The following HIPK2 variants were observed in gnomAD, a reference collection of about 807,000 sequenced individuals.
The protein encoded by HIPK2 is homeodomain-interacting protein kinase 2.
In HIPK2, 27 loss-of-function variants were observed where a neutral mutation model predicts 113.7. The observed-to-expected ratio is 0.24, with a 90% CI of 0.17 to 0.33. The LOEUF (loss-of-function observed/expected upper bound fraction) is 0.33. HIPK2 is among the 10% of genes least tolerant of loss of function. HIPK2 has a pLI of 1.00. For missense variants in HIPK2, 1,257 were observed against 1,588.0 expected (o/e 0.79, Z 3.54); for synonymous variants, 631 against 642.2 (o/e 0.98, Z 0.26).
Position 139,683,546 on chromosome 7 carries a change from C to T in HIPK2, c.1103+32386G>A, listed in dbSNP as rs1163217131. ...CCAAGACAGAAGCTGCAGAACCTCT[C>T]AGAATCTAATCTTGGAAGTGAAACA... On this transcript the variant is annotated intron_variant, in intron 2 of 14. Transcript: ENST00000406875. This position sits in a 1 kb window ranked among gnomAD's most constrained non-coding sequence, Gnocchi z 4.2. Among the ~76,000 whole-genome samples the T allele has an allele frequency of 6.6e-6, 1 of 152,182 alleles. No individual in the cohort carries two copies. Among genetic ancestry groups the T allele is most frequent in the Admixed American group, 6.5e-5 (1 of 15,288 alleles).
intron 1 of HIPK2, among the ~76,000 whole-genome samples, chr7:139,722,661 T>C (rs1366291561): frequency 1.3e-5 from 2 of 151,964 alleles, no homozygotes; most frequent in Non-Finnish European, 2.9e-5. Flanking sequence ...AGATGTTTTA[T>C]GGACAGGGTA....
intron 1 of HIPK2, among the ~76,000 whole-genome samples, chr7:139,731,858 A>C (rs888463147): frequency 3.9e-5 from 6 of 152,172 alleles, no homozygotes; most frequent in Non-Finnish European, 7.3e-5. Context: ...TTCCTTGGAG[A>C]ATTGTTTCAT....
chr7:139,583,366 G>A (rs1046364348), intron 13 of HIPK2, among the ~76,000 whole-genome samples: 1 of 152,192 alleles, frequency 6.6e-6, no homozygotes, highest in African/African-American at 2.4e-5. Flanking sequence ...TTCCGAGGAG[G>A]GGCTGAGAGG....
At chr7:139,625,394 C>T (rs1353687238) in intron 6 of HIPK2, among the ~76,000 whole-genome samples, 13 of 152,196 alleles carry the variant, frequency 8.5e-5, no homozygotes, top group Admixed American at 8.5e-4. Context: ...TGTGTGGCAG[C>T]AGACAGATCT....
chr7:139,712,717 A>G (rs1387938123), intron 2 of HIPK2, among the ~76,000 whole-genome samples: 3 of 152,196 alleles, frequency 2.0e-5, no homozygotes, highest in East Asian at 1.9e-4. Context: ...TTTCTTTCCT[A>G]TAAGAGGCAA....
At chr7:139,691,440 A>G (rs1283102972) in intron 2 of HIPK2, among the ~76,000 whole-genome samples, 1 of 152,232 alleles carries the variant, frequency 6.6e-6, no homozygotes, top group East Asian at 1.9e-4. Context: ...CAGATAGCCA[A>G]TGTCATTAAG....
intron 1 of HIPK2, among the ~76,000 whole-genome samples, chr7:139,722,193 A>T (rs1795430581): frequency 6.6e-6 from 1 of 152,236 alleles, no homozygotes; most frequent in South Asian, 2.1e-4. Flanking sequence ...TTACACAACT[A>T]TATATAATAA....
rs1438264758 is a variant in HIPK2 at position 139,567,412 on chromosome 7, A to G, written c.*5515T>C. 2 of 152,088 alleles carry G rather than the reference A, an allele frequency of 1.3e-5. No homozygotes were observed. Among genetic ancestry groups the G allele is most frequent in the African/African-American group, 4.8e-5 (2 of 41,402 alleles). 9.4% of individuals were successfully genotyped at this position (152,088 alleles called of 1,614,324 possible). On this transcript the variant is annotated 3_prime_UTR_variant, in exon 15 of 15. Transcript: ENST00000406875. The stretch of plus-strand genomic sequence containing the variant: ...TAAATGCATTTTTTTTTTTTAAAAA[A>G]AAGGACAGAGAGGAAAGAGAAAGAC...
At chr7:139,661,538 C>T (rs1002994603) in intron 2 of HIPK2, among the ~76,000 whole-genome samples, 3 of 152,204 alleles carry the variant, frequency 2.0e-5, no homozygotes, top group African/African-American at 7.2e-5. Context: ...CTACCCTTCA[C>T]ATCAAAAGTA....
At chr7:139,606,241 A>C (rs972207549) in intron 9 of HIPK2, among the ~76,000 whole-genome samples, 3 of 152,270 alleles carry the variant, frequency 2.0e-5, no homozygotes, top group Admixed American at 2.0e-4. Context: ...CACAGAGTTA[A>C]GTCATAAATG....
chr7:139,748,283 G>A (rs1000940759), intron 1 of HIPK2, among the ~76,000 whole-genome samples: 8 of 152,154 alleles, frequency 5.3e-5, no homozygotes, highest in Non-Finnish European at 1.0e-4. Flanking sequence ...CCAAAGCATA[G>A]GAGGGGCTCT....
intron 1 of HIPK2, among the ~76,000 whole-genome samples, chr7:139,734,395 TCA>T (rs1330476679): frequency 3.3e-5 from 5 of 152,172 alleles, no homozygotes; most frequent in African/African-American, 1.2e-4. Context: ...TTGACGCAAA[TCA>T]CTCTCTGGTG....
chr7:139,686,649 A>G (rs1446617124), intron 2 of HIPK2, among the ~76,000 whole-genome samples: 1 of 152,238 alleles, frequency 6.6e-6, no homozygotes, highest in East Asian at 1.9e-4. Context: ...ACCTTCTGCC[A>G]TGATTGTAAG....
intron 1 of HIPK2, among the ~76,000 whole-genome samples, chr7:139,774,133 T>C (rs1307884494): frequency 6.6e-6 from 1 of 152,244 alleles, no homozygotes. Context: ...AGATTAATAA[T>C]TGAAATGTTG....
intron 2 of HIPK2, among the ~76,000 whole-genome samples, chr7:139,649,656 GTC>G (rs997496756): frequency 5.3e-5 from 8 of 152,034 alleles, no homozygotes; most frequent in African/African-American, 1.9e-4. Flanking sequence ...GCTCCTCCCT[GTC>G]TGTGCCTCTG....
In HIPK2 at chr7:139,572,897, C is replaced by CTCCT. The variant is rs1222139643; in HGVS notation, c.*29_*30insAGGA. On this transcript the variant is annotated 3_prime_UTR_variant, in exon 15 of 15. Coordinates refer to ENST00000406875, the MANE Select transcript of HIPK2 (RefSeq NM_022740.5). ...CCTCCTCCCTCGGGCCATTCTCTCCCTCCCTCCCTCCCTCCCTCCCCTCCA... is the reference window on the plus strand; with the variant it reads ...CCTCCTCCCTCGGGCCATTCTCTCCCTCCTTCCCTCCCTCCCTCCCTCCCCTCCA... 1 of 571,116 alleles carries CTCCT rather than the reference C, an allele frequency of 1.8e-6. No homozygotes were observed. The highest frequency in any genetic ancestry group is 2.8e-5 in the Admixed American group (1 of 35,138). The allele number at this position is 571,116 out of a possible 1,614,324, so 35.4% of individuals were successfully genotyped here.
In HIPK2 at chr7:139,716,642, G is replaced by C; in HGVS notation, c.393C>G (p.Leu131=). Residue 131 remains leucine (L), a synonymous_variant, in exon 2 of 15, where the codon CTC becomes CTG. Transcript: ENST00000406875. This position sits in a 1 kb window ranked among gnomAD's most constrained non-coding sequence, Gnocchi z 9.3. ...SLLDTYQKCG[L]KRKSEEIENT... is the part of the protein sequence containing the mutation. ...TCTCGATCTCCTCGCTCTTACGCTT[G>C]AGTCCACATTTTTGGTAGGTATCAA... 1 of 1,613,970 alleles carries C rather than the reference G, an allele frequency of 6.2e-7. No individual in the cohort carries two copies. The highest frequency in any genetic ancestry group is 8.5e-7 in the Non-Finnish European group (1 of 1,179,900).
intron 2 of HIPK2, among the ~76,000 whole-genome samples, chr7:139,655,112 A>G (rs1332214735): frequency 1.3e-5 from 2 of 152,196 alleles, no homozygotes; most frequent in Non-Finnish European, 2.9e-5. Flanking sequence ...GTCCCTAGGA[A>G]TTAGGGTCCC....
chr7:139,697,576 GT>G (rs1222638169), intron 2 of HIPK2, among the ~76,000 whole-genome samples: 23,992 of 146,824 alleles, frequency 0.16, 1,980 homozygotes, highest in Non-Finnish European at 0.19. Flanking sequence ...TAGCCTAAAG[GT>G]TTTTTTTTTT....
Sources: gnomAD v4.1 joint callset for allele counts (sites outside exome capture counted in the v4.1 genomes callset) on GRCh38, gnomAD v4.1.1 for gene constraint, Gnocchi (gnomAD v3.1) non-coding constraint, MANE v1.5 for transcripts, NCBI Gene and HGNC (gene_info 2026-07-23, HGNC 2026-07-21) for gene names.